KANK1: variants seen among roughly 807,000 people sequenced by gnomAD.
KANK1 encodes KN motif and ankyrin repeat domain-containing protein 1.
KANK1 carries 109 observed loss-of-function variants against 106.2 expected under a neutral mutation model. That is an observed-to-expected ratio of 1.03 (90% CI 0.88 to 1.20). The LOEUF (loss-of-function observed/expected upper bound fraction) is 1.20. Among genes scored for constraint, KANK1 ranks in the 50% most tolerant of loss-of-function variants. KANK1 has a pLI of 0.00. For missense variants in KANK1, 2,399 were observed against 1,710.7 expected, an observed-to-expected ratio of 1.40 and a Z score of -7.10; for synonymous variants, 873 against 652.2, an observed-to-expected ratio of 1.34 and a Z score of -5.16.
At chr9:483,457 G>T (rs1261439513) in intron 3 of KANK1, among the ~76,000 whole-genome samples, 12 of 152,154 alleles carry the variant, frequency 7.9e-5, no homozygotes, top group Admixed American at 7.9e-4. Context: ...GTGAATAGTT[G>T]CTAGGAGTGA....
At chr9:557,787 T>C (rs1365758084) in intron 1 of KANK1, among the ~76,000 whole-genome samples, 1 of 152,128 alleles carries the variant, frequency 6.6e-6, no homozygotes, top group African/African-American at 2.4e-5. Flanking sequence ...CCCAGCACTT[T>C]GGGAGGCTGA....
At chr9:670,489 G>C (rs1845623217) in intron 1 of KANK1, among the ~76,000 whole-genome samples, 1 of 152,110 alleles carries the variant, frequency 6.6e-6, no homozygotes. Context: ...TCTAGCAAAG[G>C]ATCAGAGGAT....
intron 1 of KANK1, among the ~76,000 whole-genome samples, chr9:574,138 C>T (rs1274749314): frequency 6.6e-6 from 1 of 152,218 alleles, no homozygotes; most frequent in Non-Finnish European, 1.5e-5. Flanking sequence ...TTGTTCTCTG[C>T]CGCACATGTT....
intron 1 of KANK1, among the ~76,000 whole-genome samples, chr9:658,413 A>G (rs1451075540): frequency 1.3e-5 from 2 of 151,710 alleles, no homozygotes; most frequent in African/African-American, 4.8e-5. Context: ...TCTCTTAAAA[A>G]CTCAGTAGCT....
intron 3 of KANK1, among the ~76,000 whole-genome samples, chr9:722,197 C>A (rs1461081374): frequency 6.6e-6 from 1 of 152,190 alleles, no homozygotes; most frequent in Admixed American, 6.5e-5. Context: ...ACTAAACTGC[C>A]TTTGTAAAAC....
At chr9:592,924 A>C (rs1825326808) in intron 1 of KANK1, among the ~76,000 whole-genome samples, 11 of 151,844 alleles carry the variant, frequency 7.2e-5, no homozygotes, top group Admixed American at 7.2e-4. Flanking sequence ...ACTTGAGCCA[A>C]ATTGCTCATG....
At chr9:555,171 GC>G (rs2061505472) in intron 1 of KANK1, among the ~76,000 whole-genome samples, 1 of 149,852 alleles carries the variant, frequency 6.7e-6, no homozygotes, top group South Asian at 2.1e-4. Flanking sequence ...AAATGAGCTG[GC>G]CAGTAGCTAA....
chr9:707,441 A>C (rs1824674610), intron 2 of KANK1, among the ~76,000 whole-genome samples: 1 of 152,256 alleles, frequency 6.6e-6, no homozygotes, highest in South Asian at 2.1e-4. Flanking sequence ...CCTGACAGCC[A>C]AGCTGCAGCT....
intron 1 of KANK1, among the ~76,000 whole-genome samples, chr9:555,032 G>T (rs2061497190): frequency 6.6e-6 from 1 of 152,186 alleles, no homozygotes; most frequent in African/African-American, 2.4e-5. Flanking sequence ...CGTTTGCCCA[G>T]TCAAGTTGGC....
rs1332234078 is a variant in KANK1, at chr9:710,984, G to A, written c.218G>A (p.Cys73Tyr). The A allele has an allele frequency of 1.2e-6, 2 of 1,614,168 alleles. No homozygotes were observed. Among genetic ancestry groups the A allele is most frequent in the East Asian group, 2.2e-5 (1 of 44,880 alleles). ...IQKRRKPSVP[C>Y]PEPRTTSGQQ... ...AAGAGGCGGAAGCCGTCCGTGCCAT[G>A]CCCAGAACCCAGGACCACATCTGGT... Residue 73 changes from cysteine to tyrosine, a missense_variant, in exon 3 of 12, where the codon TGC (cysteine) becomes TAC (tyrosine). By Grantham distance (194) the Cys-to-Tyr change is radical. Coordinates refer to ENST00000382297, the MANE Select transcript of KANK1 (RefSeq NM_015158.5).
intron 1 of KANK1, among the ~76,000 whole-genome samples, chr9:593,122 A>C (rs1423198127): frequency 2.0e-5 from 3 of 151,866 alleles, no homozygotes; most frequent in Admixed American, 6.6e-5. Flanking sequence ...TGGAACCTGG[A>C]AATTTGAACA....
At chr9:542,469 G>C (rs2060662262) in intron 1 of KANK1, among the ~76,000 whole-genome samples, 1 of 152,234 alleles carries the variant, frequency 6.6e-6, no homozygotes. Flanking sequence ...GAGAATGTTA[G>C]TACAACCAAT....
At chr9:532,825 G>A (rs1232826224) in intron 1 of KANK1, among the ~76,000 whole-genome samples, 3 of 150,572 alleles carry the variant, frequency 2.0e-5, no homozygotes, top group African/African-American at 4.9e-5. Context: ...TTTCATACCA[G>A]CAGTAGGGTC....
intron 1 of KANK1, among the ~76,000 whole-genome samples, chr9:638,279 CA>C (rs1168339129): frequency 3.3e-5 from 5 of 152,258 alleles, no homozygotes; most frequent in African/African-American, 1.2e-4. Context: ...AGTCCAAGAT[CA>C]GGGGGACATG....
At chr9:473,851 C>G (rs533221575) in intron 3 of KANK1, among the ~76,000 whole-genome samples, 285 of 152,274 alleles carry the variant, frequency 1.9e-3, no homozygotes, top group Non-Finnish European at 3.5e-3. Context: ...AGGCATGTGC[C>G]ACCACACCTA....
intron 8 of KANK1, among the ~76,000 whole-genome samples, chr9:740,558 G>A (rs1835152070): frequency 6.6e-6 from 1 of 152,206 alleles, no homozygotes; most frequent in Admixed American, 6.5e-5. Flanking sequence ...AAGATACGCT[G>A]TGGAAGCTTA....
At chr9:602,395 G>T (rs559079078) in intron 1 of KANK1, among the ~76,000 whole-genome samples, 2 of 151,896 alleles carry the variant, frequency 1.3e-5, no homozygotes, top group South Asian at 4.1e-4. Context: ...AAGTAGCTGG[G>T]ACTACAGGCA....
Position 731,266 on chromosome 9 carries a change from G to A in KANK1, c.3005G>A (p.Gly1002Glu). Reference sequence around the variant, plus strand: ...CTTCAGTTTGTTGGCATTAATGGAGGGTAAGGAAAGATGGTGGTTCTAGAG... The same window carrying A: ...CTTCAGTTTGTTGGCATTAATGGAGAGTAAGGAAAGATGGTGGTTCTAGAG... The part of the protein sequence containing the change: ...KNLQFVGING[G>E]YETTSSDDSS... Residue 1002 changes from glycine to glutamate, a missense_variant and splice_region_variant, in exon 5 of 12, where the codon GGG becomes GAG. Transcript: ENST00000382297. The A allele has an allele frequency of 6.4e-7, 1 of 1,564,290 alleles. No individual in the cohort carries two copies. The highest frequency in any genetic ancestry group is 8.8e-7 in the Non-Finnish European group (1 of 1,135,890).
chr9:686,667 G>A (rs992505449), intron 2 of KANK1: 1 of 741,682 alleles, frequency 1.3e-6, no homozygotes, highest in African/African-American at 1.9e-5. Flanking sequence ...TTCCAAGTCT[G>A]CCCCAGGGAC....
Sources: gnomAD v4.1 joint callset for allele counts (sites outside exome capture counted in the v4.1 genomes callset) on GRCh38, gnomAD v4.1.1 for gene constraint, MANE v1.5 for transcripts, NCBI Gene and HGNC (gene_info 2026-07-23, HGNC 2026-07-21) for gene names.